The following GABRB1 variants were observed in gnomAD, a reference collection of about 807,000 sequenced individuals.
The protein encoded by GABRB1 is gamma-aminobutyric acid type A receptor subunit beta1, also known as gamma-aminobutyric acid receptor subunit beta-1.
In GABRB1, 17 loss-of-function variants were observed where a neutral mutation model predicts 51.6. The observed-to-expected ratio is 0.33, with a 90% confidence interval of 0.23 to 0.49. The LOEUF (loss-of-function observed/expected upper bound fraction) is 0.49, where lower values mean the gene tolerates loss of function less well. Among genes scored for constraint, GABRB1 ranks in the 20% least tolerant of loss-of-function variants. The pLI is 0.99. For synonymous variants in GABRB1, 247 were observed against 218.9 expected, an observed-to-expected ratio of 1.13 and a Z score of -1.14; for missense variants, 410 against 600.6, an observed-to-expected ratio of 0.68 and a Z score of 3.32.
chr4:47,327,773 A>G (rs1335677100), intron 5 of GABRB1, among the ~76,000 whole-genome samples: 2 of 152,252 alleles, frequency 1.3e-5, no homozygotes, highest in African/African-American at 4.8e-5. Flanking sequence ...AGCAATAGTC[A>G]TATTTAATTA....
upstream of GABRB1, among the ~76,000 whole-genome samples, chr4:47,030,174 T>C (rs188129976): frequency 5.8e-4 from 88 of 152,322 alleles, no homozygotes; most frequent in African/African-American, 1.9e-3. Flanking sequence ...TCCATTTATC[T>C]AGGTCATATT....
intron 4 of GABRB1, among the ~76,000 whole-genome samples, chr4:47,228,143 C>T (rs1015703512): frequency 2.0e-5 from 3 of 152,156 alleles, no homozygotes; most frequent in African/African-American, 7.2e-5. Context: ...ATTACATCAA[C>T]CTCCATCTCA....
intron 3 of GABRB1, among the ~76,000 whole-genome samples, chr4:47,057,789 A>G (rs1726681689): frequency 6.6e-6 from 1 of 152,216 alleles, no homozygotes; most frequent in Non-Finnish European, 1.5e-5. Flanking sequence ...TAATGGCCTA[A>G]CCCAGCAAAA....
chr4:47,296,800 A>G (rs1190077792), intron 4 of GABRB1, among the ~76,000 whole-genome samples: 1 of 152,190 alleles, frequency 6.6e-6, no homozygotes, highest in African/African-American at 2.4e-5. Context: ...AATCAACAGA[A>G]TATACATTTT....
At chr4:47,038,983 A>G (rs1725713661) in intron 3 of GABRB1, among the ~76,000 whole-genome samples, 1 of 152,168 alleles carries the variant, frequency 6.6e-6, no homozygotes, top group African/African-American at 2.4e-5. Flanking sequence ...CAGTAGATCA[A>G]GCATTTCATG....
At chr4:47,062,643 C>A (rs1726891861) in intron 3 of GABRB1, among the ~76,000 whole-genome samples, 1 of 151,966 alleles carries the variant, frequency 6.6e-6, no homozygotes, top group Non-Finnish European at 1.5e-5. Context: ...TTTTCTATAG[C>A]CTTCTAATTC....
At chr4:47,297,166 C>T (rs1387323019) in intron 4 of GABRB1, among the ~76,000 whole-genome samples, 1 of 151,468 alleles carries the variant, frequency 6.6e-6, no homozygotes, top group Non-Finnish European at 1.5e-5. Context: ...AGGAAAGATC[C>T]AAAATTGACA....
chr4:47,379,836 A>C (rs992910260), intron 5 of GABRB1, among the ~76,000 whole-genome samples: 1 of 152,186 alleles, frequency 6.6e-6, no homozygotes, highest in African/African-American at 2.4e-5. Context: ...GATTTTGGAA[A>C]CAGACTAATA....
intron 4 of GABRB1, among the ~76,000 whole-genome samples, chr4:47,236,253 C>G (rs1019666717): frequency 6.6e-6 from 1 of 152,008 alleles, no homozygotes; most frequent in African/African-American, 2.4e-5. Context: ...TTCTAAGACA[C>G]TTTGCTATAC....
chr4:47,257,181 T>G (rs889357962), intron 4 of GABRB1, among the ~76,000 whole-genome samples: 4 of 152,182 alleles, frequency 2.6e-5, no homozygotes, highest in African/African-American at 7.2e-5. Context: ...TCTTACACTG[T>G]TTATGTCACT....
At chr4:47,245,879 C>T (rs1445959528) in intron 4 of GABRB1, among the ~76,000 whole-genome samples, 5 of 148,190 alleles carry the variant, frequency 3.4e-5, no homozygotes, top group African/African-American at 1.2e-4. Flanking sequence ...AGAGGTCTAC[C>T]TGGGAAACTA....
At chr4:47,420,943 AACACACACACAC>A (rs71654875) in intron 8 of GABRB1, among the ~76,000 whole-genome samples, 4 of 141,076 alleles carry the variant, frequency 2.8e-5, no homozygotes, top group South Asian at 4.6e-4. Context: ...TACACACACA[AACACACACACAC>A]ACACACACAC....
intron 3 of GABRB1, among the ~76,000 whole-genome samples, chr4:47,084,779 C>T (rs890519969): frequency 1.3e-5 from 2 of 152,144 alleles, no homozygotes; most frequent in Non-Finnish European, 2.9e-5. Context: ...TAGTGTTCCT[C>T]ATCAGAGCCA....
intron 4 of GABRB1, among the ~76,000 whole-genome samples, chr4:47,216,048 A>G (rs940253882): frequency 2.0e-5 from 3 of 152,056 alleles, no homozygotes; most frequent in African/African-American, 7.2e-5. Flanking sequence ...ATTACAAAGA[A>G]TAATAGGATC....
At chr4:47,312,231 T>G (rs976908679) in intron 4 of GABRB1, among the ~76,000 whole-genome samples, 18 of 152,260 alleles carry the variant, frequency 1.2e-4, no homozygotes, top group African/African-American at 4.3e-4. Flanking sequence ...ACACCTAAAT[T>G]CCTCTTAAAT....
chr4:47,028,178 T>A (rs1406346759), upstream of GABRB1, among the ~76,000 whole-genome samples: 2 of 151,720 alleles, frequency 1.3e-5, no homozygotes, highest in African/African-American at 4.8e-5. Flanking sequence ...ATATTTTCTA[T>A]TTTTTAAAAA....
At chr4:47,009,009 G>A (rs1249151340) in intron 1 of GABRB1, among the ~76,000 whole-genome samples, 23 of 147,630 alleles carry the variant, frequency 1.6e-4, no homozygotes, top group Middle Eastern at 3.5e-3. Context: ...GACTACAGGC[G>A]CCCACCACCA....
At chr4:47,380,863 A>G (rs1203729635) in intron 5 of GABRB1, among the ~76,000 whole-genome samples, 1 of 152,186 alleles carries the variant, frequency 6.6e-6, no homozygotes, top group Non-Finnish European at 1.5e-5. Context: ...ACTAAGATAT[A>G]TGAAAATTCA....
rs926822984 is a variant in GABRB1 at position 47,243,154 on chromosome 4, A to G, written c.462-76973A>G. Among the ~76,000 whole-genome samples the G allele has an allele frequency of 2.0e-5, 3 of 152,284 alleles. No homozygotes were observed. In the East Asian group the frequency reaches 5.8e-4, roughly 29 times the overall value. ...TTATTAAATAGGGAATCCTTTCCCC[A>G]TTGCTTGTTTTTGCCAGGTTTGTCA... On this transcript the variant is annotated intron_variant, in intron 4 of 8. Coordinates refer to ENST00000295454, the MANE Select transcript of GABRB1 (RefSeq NM_000812.4).
Sources: gnomAD v4.1 joint callset for allele counts (sites outside exome capture counted in the v4.1 genomes callset) on GRCh38, gnomAD v4.1.1 for gene constraint, MANE v1.5 for transcripts, NCBI Gene and HGNC (gene_info 2026-07-23, HGNC 2026-07-21) for gene names.